Variants in F13A1 observed in about 807,000 individuals in gnomAD.
The protein encoded by F13A1 is coagulation factor XIII A chain, also known as FSF, A subunit.
F13A1 carries 47 observed loss-of-function variants against 80.1 expected under a neutral mutation model. The observed-to-expected ratio is 0.59, with a 90% CI of 0.46 to 0.75. The LOEUF (loss-of-function observed/expected upper bound fraction) is 0.75. F13A1 is among the 30% of genes least tolerant of loss of function. The pLI, the probability that F13A1 is intolerant of heterozygous loss-of-function variation, is 0.00. For synonymous variants in F13A1, 349 were observed against 344.9 expected (o/e 1.01, Z -0.13); for missense variants, 817 against 930.4 (o/e 0.88, Z 1.59).
Position 6,199,133 on chromosome 6 carries a change from C to T in F13A1, c.1113-1807G>A, listed in dbSNP as rs559608437. On this transcript the variant is annotated intron_variant, in intron 8 of 14. Transcript: ENST00000264870. ...AAATACATATAACACTTCCTTAGTG[C>T]GAAGTGGTGTTCTAAAACCCTCATG... is the stretch of plus-strand genomic sequence containing the variant. Among the ~76,000 whole-genome samples the T allele has an allele frequency of 3.3e-5, 5 of 152,260 alleles. No homozygotes were observed. In the South Asian group the frequency reaches 1.0e-3, roughly 32 times the overall value.
At chr6:6,177,601 A>G (rs562569093) in intron 11 of F13A1, among the ~76,000 whole-genome samples, 2 of 152,222 alleles carry the variant, frequency 1.3e-5, no homozygotes, top group African/African-American at 4.8e-5. Flanking sequence ...TTTATGTTCA[A>G]CTAAGCCTAG....
chr6:6,249,460 C>T (rs183314109), intron 5 of F13A1, among the ~76,000 whole-genome samples: 1 of 152,364 alleles, frequency 6.6e-6, no homozygotes, highest in East Asian at 1.9e-4. Context: ...CCCTGCATCA[C>T]TGTAAACATG....
At chr6:6,203,792 C>T (rs980609195) in intron 8 of F13A1, among the ~76,000 whole-genome samples, 1 of 152,006 alleles carries the variant, frequency 6.6e-6, no homozygotes, top group Non-Finnish European at 1.5e-5. Context: ...AACATGCATA[C>T]GACACACAAA....
In F13A1 at chr6:6,248,306, G is replaced by A. The variant is rs776197384; in HGVS notation, c.798+6C>T. On this transcript the variant is annotated splice_donor_region_variant and intron_variant, in intron 6 of 14. Transcript: ENST00000264870. Reference sequence around the variant, plus strand: ...CAGATTTTAGGTATCAGTAATTGCTGCTTACCATTGCAGACCCCACACGGC... The same window carrying A: ...CAGATTTTAGGTATCAGTAATTGCTACTTACCATTGCAGACCCCACACGGC... The A allele has an allele frequency of 1.9e-6, 3 of 1,611,860 alleles. No homozygotes were observed. The South Asian group carries it at 3.3e-5, about 18-fold the overall frequency.
In F13A1 at chr6:6,162,004, C is replaced by T. The variant is rs1227979131; in HGVS notation, c.1908+5454G>A. Among the ~76,000 whole-genome samples the T allele has an allele frequency of 6.6e-6, 1 of 152,100 alleles. No individual in the cohort carries two copies. Among genetic ancestry groups the T allele is most frequent in the Non-Finnish European group, 1.5e-5 (1 of 68,000 alleles). On this transcript the variant is annotated intron_variant, in intron 13 of 14. Coordinates refer to ENST00000264870, the MANE Select transcript of F13A1 (RefSeq NM_000129.4). The surrounding 1 kb of genome is among the most constrained non-coding windows in gnomAD (Gnocchi z 4.2). ...ACTAGCTTTTAGGAAACTCCAGTTC[C>T]AAGGCTGAGTTGGGTACTTCCTGGA...
rs757288099 is a variant in F13A1 at position 6,222,109 on chromosome 6, CATT to C, written c.1033_1035del (p.Asn345del). ...AAGATGTCCATTTGCAAATTGGCAT[CATT>C]ATCATGGGCAGAGAAATAATTGGTA... On this transcript the variant is annotated inframe_deletion, in exon 8 of 15. Coordinates refer to ENST00000264870, the MANE Select transcript of F13A1 (RefSeq NM_000129.4). 6 of 1,614,070 alleles carry C rather than the reference CATT, an allele frequency of 3.7e-6. No homozygotes were observed. The highest frequency in any genetic ancestry group is 4.2e-6 in the Non-Finnish European group (5 of 1,179,948).
intron 14 of F13A1, among the ~76,000 whole-genome samples, chr6:6,146,072 T>G (rs967829993): frequency 1.3e-5 from 2 of 152,166 alleles, no homozygotes; most frequent in African/African-American, 2.4e-5. Context: ...ATTAATCAAC[T>G]GAACTCTAGC....
chr6:6,306,271 A>G lies in F13A1; in HGVS notation c.131-732T>C, dbSNP rs562252678. ...TCAAAACCTGGACTGTCTGATGCCA[A>G]CATTCACAGGTTTTTCTTTTGATTT... On this transcript the variant is annotated intron_variant, in intron 2 of 14. Transcript: ENST00000264870. 2.6e-5 allele frequency among the ~76,000 whole-genome samples: 4 copies of G among 152,372 alleles called. No individual in the cohort carries two copies. In the East Asian group the frequency reaches 7.7e-4, roughly 29 times the overall value.
chr6:6,186,257 T>C (rs1342513591), intron 10 of F13A1, among the ~76,000 whole-genome samples: 2 of 151,402 alleles, frequency 1.3e-5, no homozygotes, highest in Non-Finnish European at 3.0e-5. Context: ...TTGGCTTTTG[T>C]TGCCATTGCT....
chr6:6,304,229 T>TC (rs1758478302), intron 3 of F13A1, among the ~76,000 whole-genome samples: 1 of 152,074 alleles, frequency 6.6e-6, no homozygotes. Context: ...GTGTTTTTTT[T>TC]CTAAATTTTT....
chr6:6,177,435 G>A (rs1305896579), intron 11 of F13A1, among the ~76,000 whole-genome samples: 1 of 152,202 alleles, frequency 6.6e-6, no homozygotes, highest in Admixed American at 6.5e-5. Context: ...TGGAATGCAA[G>A]CTCCATGAGA....
rs750622183 is a variant in F13A1 at position 6,294,918 on chromosome 6, CA to C, written c.319+10432del. 3.7e-4 allele frequency among the ~76,000 whole-genome samples: 49 copies of C among 131,182 alleles called. No individual in the cohort carries two copies. In the East Asian group the frequency reaches 6.9e-3, roughly 18 times the overall value. The allele number at this position is 131,182 out of a possible 152,430, so 86.1% of individuals were successfully genotyped here. On this transcript the variant is annotated intron_variant, in intron 3 of 14. Transcript: ENST00000264870. ...CCTCCCCCCACCCCACAACAGGCCC[CA>C]GAGTGTGATGTTCCCCTTCCTGTGT...
chr6:6,172,221 CT>C (rs1760788363), intron 12 of F13A1, among the ~76,000 whole-genome samples: 2 of 152,268 alleles, frequency 1.3e-5, no homozygotes, highest in African/African-American at 4.8e-5. Context: ...GCTTAAGTAC[CT>C]TGCTCAGGAA....
intron 4 of F13A1, among the ~76,000 whole-genome samples, chr6:6,255,966 A>G (rs1757697539): frequency 6.6e-6 from 1 of 152,186 alleles, no homozygotes; most frequent in Middle Eastern, 3.2e-3. Flanking sequence ...AACTCCAAAA[A>G]AACTCCCTAT....
chr6:6,163,934 G>A (rs899019336), intron 13 of F13A1, among the ~76,000 whole-genome samples: 10 of 152,124 alleles, frequency 6.6e-5, no homozygotes, highest in African/African-American at 9.7e-5. Flanking sequence ...CCCACCAACC[G>A]TATATAAGTG....
intron 8 of F13A1, among the ~76,000 whole-genome samples, chr6:6,211,976 TA>T (rs939342605): frequency 1.3e-5 from 2 of 152,312 alleles, no homozygotes; most frequent in African/African-American, 4.8e-5. Flanking sequence ...CTGACGGGCT[TA>T]AAAAACGGCA....
rs1419020853 is a variant in F13A1, at chr6:6,295,980, C to T, written c.319+9371G>A. Reference sequence around the variant, plus strand: ...TCTACATATGGCTAGCCAGTTTTCCCAGCACCATTTATTAAATAGGGAATC... The same window carrying T: ...TCTACATATGGCTAGCCAGTTTTCCTAGCACCATTTATTAAATAGGGAATC... On this transcript the variant is annotated intron_variant, in intron 3 of 14. Transcript: ENST00000264870. 5.5e-4 allele frequency among the ~76,000 whole-genome samples: 78 copies of T among 141,724 alleles called. 1 individual carries two copies. Among genetic ancestry groups the T allele is most frequent in the African/African-American group, 2.2e-3 (72 of 32,436 alleles). The allele number at this position is 141,724 out of a possible 152,430, so 93.0% of individuals were successfully genotyped here. A position where few individuals can be genotyped will look rare whatever the true frequency, so the allele number is the denominator to read the frequency against.
intron 13 of F13A1, among the ~76,000 whole-genome samples, chr6:6,159,748 A>G (rs1245180880): frequency 1.3e-5 from 2 of 152,088 alleles, no homozygotes; most frequent in Non-Finnish European, 2.9e-5. Flanking sequence ...ATTCCCCACC[A>G]ATCAGTGCTG....
Position 6,145,526 on chromosome 6 carries a change from T to C in F13A1, c.*93A>G. 6.4e-7 allele frequency: 1 copy of C among 1,552,312 alleles called. No homozygotes were observed. On this transcript the variant is annotated 3_prime_UTR_variant, in exon 15 of 15. Coordinates refer to ENST00000264870, the MANE Select transcript of F13A1 (RefSeq NM_000129.4). Reference sequence around the variant, plus strand: ...GCAGTCCTGTCTGGGTCTTCACACCTAAGTCAAAGCAAGAGCTATTTTTGC... The same window carrying C: ...GCAGTCCTGTCTGGGTCTTCACACCCAAGTCAAAGCAAGAGCTATTTTTGC...
Sources: gnomAD v4.1 joint callset for allele counts (sites outside exome capture counted in the v4.1 genomes callset) on GRCh38, gnomAD v4.1.1 for gene constraint, Gnocchi (gnomAD v3.1) non-coding constraint, MANE v1.5 for transcripts, NCBI Gene and HGNC (gene_info 2026-07-23, HGNC 2026-07-21) for gene names.